Variants in ATAD5 observed in about 807,000 individuals in gnomAD.
The protein encoded by ATAD5 is ATPase family AAA domain-containing protein 5.
A neutral mutation model predicts 176.9 loss-of-function variants in ATAD5; 58 were observed. The observed-to-expected ratio is 0.33, with a 90% CI of 0.27 to 0.41. The LOEUF is 0.41. ATAD5 is among the 10% of genes least tolerant of loss of function. The pLI, the probability that ATAD5 is intolerant of heterozygous loss-of-function variation, is 1.00. For missense variants in ATAD5, 1,789 were observed against 2,094.1 expected (o/e 0.85, Z 2.84); for synonymous variants, 640 against 712.6 (o/e 0.90, Z 1.62).
intron 4 of ATAD5, among the ~76,000 whole-genome samples, chr17:30,842,410 G>A (rs957954435): frequency 2.0e-5 from 3 of 152,004 alleles, no homozygotes; most frequent in Non-Finnish European, 4.4e-5. Context: ...TGTTGATGGT[G>A]CACTCACCAT....
intron 18 of ATAD5, among the ~76,000 whole-genome samples, chr17:30,886,488 C>G (rs1909332130): frequency 6.6e-6 from 1 of 151,808 alleles, no homozygotes; most frequent in African/African-American, 2.4e-5. Flanking sequence ...TAACCTCCAC[C>G]TCCCAGGTTC....
chr17:30,888,488 G>A (rs774049179), intron 19 of ATAD5, among the ~76,000 whole-genome samples: 3 of 152,034 alleles, frequency 2.0e-5, no homozygotes, highest in South Asian at 4.1e-4. Flanking sequence ...AGGCTGCAGT[G>A]AGCCAAGATC....
rs759289560 is a variant in ATAD5 at position 30,893,495 on chromosome 17, G to C, written c.4642G>C (p.Ala1548Pro). Residue 1548 changes from alanine to proline, a missense_variant, in exon 21 of 23, where the codon GCT becomes CCT. This residue lies in a region of ATAD5 where 403 missense variants were observed against 495.1 expected (regional missense o/e 0.81). Coordinates refer to ENST00000321990, the MANE Select transcript of ATAD5 (RefSeq NM_024857.5). Reference sequence around the variant, plus strand: ...AGCAACAAAAAGTATGAATTGTCTTGCTAGGAAACACTCTGAAAGAGAACA... The same window carrying C: ...AGCAACAAAAAGTATGAATTGTCTTCCTAGGAAACACTCTGAAAGAGAACA... ...SAATKSMNCL[A>P]RKHSEREQPL... 1 of 1,612,742 alleles carries C rather than the reference G, an allele frequency of 6.2e-7. No individual in the cohort carries two copies. The highest frequency in any genetic ancestry group is 1.1e-5 in the South Asian group (1 of 90,612).
At chr17:30,869,766 C>A in intron 14 of ATAD5, 120 bp downstream of exon 14, 2 of 1,031,802 alleles carry the variant, frequency 1.9e-6, no homozygotes, top group Non-Finnish European at 2.7e-6. Context: ...ACGTTTCCTG[C>A]CCACCCCTGC....
At chr17:30,856,693 C>T (rs570465359) in intron 7 of ATAD5, among the ~76,000 whole-genome samples, 1 of 152,204 alleles carries the variant, frequency 6.6e-6, no homozygotes, top group Non-Finnish European at 1.5e-5. Context: ...AAAGTTTTAA[C>T]CTGAGTATCA....
chr17:30,864,334 A>G (rs183082919), intron 10 of ATAD5: 1 of 152,310 alleles, frequency 6.6e-6, no homozygotes, highest in East Asian at 1.9e-4. Flanking sequence ...TCTCTTAAAA[A>G]AAGAAAAAAA....
In ATAD5 at chr17:30,893,353, A is replaced by C; in HGVS notation, c.4500A>C (p.Gln1500His). The change falls in exon 21 of 23, where the codon CAA becomes CAC. Residue 1500 changes from glutamine (Q) to histidine (H), a missense_variant. By Grantham distance (24) the Gln-to-His change is conservative. This residue lies in a region of ATAD5 where 403 missense variants were observed against 495.1 expected (regional missense o/e 0.81). Coordinates refer to ENST00000321990, the MANE Select transcript of ATAD5 (RefSeq NM_024857.5). ...HKFIQLLTEF[Q>H]MRNVDFLYSN... is the part of the protein sequence containing the mutation. ...TCATCCAGCTTCTTACAGAATTCCA[A>C]ATGCGGAATGTAGATTTTTTATATA... is the stretch of plus-strand genomic sequence containing the variant. The C allele has an allele frequency of 6.3e-7, 1 of 1,593,098 alleles. No homozygotes were observed. Among genetic ancestry groups the C allele is most frequent in the Non-Finnish European group, 8.5e-7 (1 of 1,172,018 alleles).
intron 1 of ATAD5, 134 bp from the exon 2 acceptor site, chr17:30,834,014 T>C: frequency 1.3e-6 from 1 of 744,170 alleles, no homozygotes. Context: ...TTCTTTCTAA[T>C]ATATCACGTT....
chr17:30,878,719 T>TG (rs1567696481), intron 17 of ATAD5, among the ~76,000 whole-genome samples: 24 of 43,038 alleles, frequency 5.6e-4, no homozygotes, highest in South Asian at 9.6e-4. Context: ...TTAGGTGGTG[T>TG]TTTTTTTTTT....
At position 30,878,718 on chromosome 17, in the gene ATAD5, G is replaced by GTTTTTTTTTTTT. The variant is rs71142005; in HGVS notation, c.4012+641_4012+652dup. Among the ~76,000 whole-genome samples, 45 of 56,876 alleles carry GTTTTTTTTTTTT rather than the reference G, an allele frequency of 7.9e-4. 10 individuals are homozygous for GTTTTTTTTTTTT. The highest frequency in any genetic ancestry group is 1.8e-3 in the South Asian group (2 of 1,124). The allele number at this position is 56,876 out of a possible 152,430, so 37.3% of individuals were successfully genotyped here. A position where few individuals can be genotyped will look rare whatever the true frequency, so the allele number is the denominator to read the frequency against. Reference sequence around the variant, plus strand: ...TCTTATTAATCAGAAGTTAGGTGGTGTTTTTTTTTTTTTTTTTTTTTTTTT... The same window carrying GTTTTTTTTTTTT: ...TCTTATTAATCAGAAGTTAGGTGGTGTTTTTTTTTTTTTTTTTTTTTTTTTTTTTTTTTTTTT... On this transcript the variant is annotated intron_variant, in intron 17 of 22. Coordinates refer to ENST00000321990, the MANE Select transcript of ATAD5 (RefSeq NM_024857.5).
In ATAD5 at chr17:30,833,192, T is replaced by G. The variant is rs539281850; in HGVS notation, c.66+779T>G. Among the ~76,000 whole-genome samples the G allele has an allele frequency of 2.0e-3, 296 of 150,254 alleles. 1 individual carries two copies. The highest frequency in any genetic ancestry group is 6.8e-3 in the African/African-American group (280 of 41,256). On this transcript the variant is annotated intron_variant, in intron 1 of 22. Transcript: ENST00000321990. ...CTACTTAGTTTTTGTTTTTGTTTTT[T>G]TTTGTCTACTTAGTTGTTATGCTGA... is the stretch of plus-strand genomic sequence containing the variant.
rs1164750694 is a variant in ATAD5, at chr17:30,832,152, T to C, written c.-196T>C. The C allele has an allele frequency of 7.4e-6, 3 of 407,204 alleles. No homozygotes were observed. The highest frequency in any genetic ancestry group is 1.3e-5 in the Non-Finnish European group (3 of 230,188). The allele number at this position is 407,204 out of a possible 1,614,324, so 25.2% of individuals were successfully genotyped here. ...ATTGCCCGCGCTTTCTCATTGCCTCTTTCCGTGTTCGATTCGGCTGATCTG... is the reference window on the plus strand; with the variant it reads ...ATTGCCCGCGCTTTCTCATTGCCTCCTTCCGTGTTCGATTCGGCTGATCTG... On this transcript the variant is annotated 5_prime_UTR_variant, in exon 1 of 23. Coordinates refer to ENST00000321990, the MANE Select transcript of ATAD5 (RefSeq NM_024857.5).
intron 18 of ATAD5, among the ~76,000 whole-genome samples, chr17:30,883,513 G>A: frequency 6.6e-6 from 1 of 152,036 alleles, no homozygotes; most frequent in African/African-American, 2.4e-5. Context: ...TGCAATATTT[G>A]GATATATTGT....
At chr17:30,885,844 A>T (rs1297576344) in intron 18 of ATAD5, among the ~76,000 whole-genome samples, 1 of 151,748 alleles carries the variant, frequency 6.6e-6, no homozygotes, top group African/African-American at 2.4e-5. Flanking sequence ...CATGTTGGTC[A>T]GGCTGGTCTT....
chr17:30,874,705 A>G (rs1225718479), intron 14 of ATAD5, among the ~76,000 whole-genome samples: 1 of 150,568 alleles, frequency 6.6e-6, no homozygotes, highest in African/African-American at 2.4e-5. Context: ...ATCTCAGCTC[A>G]CTGCAACCTC....
Position 30,857,201 on chromosome 17 carries a change from C to T in ATAD5, c.2793+89C>T, listed in dbSNP as rs188423080. 4,321 of 1,393,820 alleles carry T rather than the reference C, an allele frequency of 3.1e-3. 23 individuals are homozygous for T. Among genetic ancestry groups the T allele is most frequent in the Non-Finnish European group, 3.0e-3 (3,103 of 1,037,044 alleles). The allele number at this position is 1,393,820 out of a possible 1,614,324, so 86.3% of individuals were successfully genotyped here. On this transcript the variant is annotated intron_variant, in intron 8 of 22. Coordinates refer to ENST00000321990, the MANE Select transcript of ATAD5 (RefSeq NM_024857.5). ...TTTTGGATATCTACTCTTATAGCCT[C>T]GAGTGTTGTCCTAGAGTTTAATTTT...
Position 30,834,665 on chromosome 17 carries a change from A to G in ATAD5, c.584A>G (p.Gln195Arg). ...LQNSKKVNPK[Q>R]GTTKNDFKKL... is the part of the protein sequence containing the mutation. Reference sequence around the variant, plus strand: ...AATTCTAAAAAAGTAAATCCTAAACAAGGGACCACAAAAAATGACTTCAAA... The same window carrying G: ...AATTCTAAAAAAGTAAATCCTAAACGAGGGACCACAAAAAATGACTTCAAA... Residue 195 changes from glutamine (Q) to arginine (R), a missense_variant, in exon 2 of 23, where the codon CAA becomes CGA. Around this residue, in one of 6 missense-constraint regions of ATAD5, gnomAD observed 696 missense variants for 712.5 expected, o/e 0.98. Coordinates refer to ENST00000321990, the MANE Select transcript of ATAD5 (RefSeq NM_024857.5). 1 of 1,610,614 alleles carries G rather than the reference A, an allele frequency of 6.2e-7. No homozygotes were observed. Among genetic ancestry groups the G allele is most frequent in the Non-Finnish European group, 8.5e-7 (1 of 1,179,182 alleles).
Position 30,836,043 on chromosome 17 carries a change from T to G in ATAD5, c.1962T>G (p.Pro654=). 3 of 1,587,080 alleles carry G rather than the reference T, an allele frequency of 1.9e-6. No individual in the cohort carries two copies. Among genetic ancestry groups the G allele is most frequent in the Non-Finnish European group, 2.6e-6 (3 of 1,169,664 alleles). The change falls in exon 2 of 23, where the codon CCT becomes CCG. Residue 654 remains proline, a synonymous_variant. Transcript: ENST00000321990. ...LITVPFDSES[P]IRMKFTRIST... ...CAGTACCCTTTGATTCAGAGAGCCCTATTAGGTAAGGTTTGTTTTTGTTCT... is the reference window on the plus strand; with the variant it reads ...CAGTACCCTTTGATTCAGAGAGCCCGATTAGGTAAGGTTTGTTTTTGTTCT...
chr17:30,857,171 A>T, intron 8 of ATAD5, 59 bp downstream of exon 8: 2 of 1,527,868 alleles, frequency 1.3e-6, no homozygotes, highest in South Asian at 2.5e-5. Flanking sequence ...GCAGAGGAAA[A>T]ACATTTTTGG....
Sources: allele counts gnomAD v4.1 joint callset (sites outside exome capture counted in the v4.1 genomes callset), GRCh38; gene constraint gnomAD v4.1.1; regional missense constraint gnomAD v4.1.1; transcripts MANE v1.5; gene names NCBI Gene and HGNC (gene_info 2026-07-23, HGNC 2026-07-21).